The following SCN8A variants were observed in gnomAD, a reference collection of about 807,000 sequenced individuals.
SCN8A encodes the protein sodium channel protein type 8 subunit alpha.
SCN8A carries 30 observed loss-of-function variants against 184.1 expected under a neutral mutation model. That is an observed-to-expected ratio of 0.16 (90% CI 0.12 to 0.22). The LOEUF (loss-of-function observed/expected upper bound fraction) is 0.22. Ranked by LOEUF, SCN8A falls within the 10% of genes least tolerant of loss-of-function variation. The pLI is 1.00. For missense variants in SCN8A, 1,057 were observed against 2,498.9 expected, an observed-to-expected ratio of 0.42 and a Z score of 12.30; for synonymous variants, 852 against 907.0, an observed-to-expected ratio of 0.94 and a Z score of 1.09.
chr12:51,773,310 A>G (rs1942958230), intron 19 of SCN8A, among the ~76,000 whole-genome samples: 1 of 152,178 alleles, frequency 6.6e-6, no homozygotes, highest in African/African-American at 2.4e-5. Context: ...TCTTGGCACC[A>G]TACCTGTATA....
intron 1 of SCN8A, among the ~76,000 whole-genome samples, chr12:51,591,642 A>G (rs140960836): frequency 1.4e-3 from 217 of 152,242 alleles, no homozygotes; most frequent in African/African-American, 4.7e-3. Flanking sequence ...CGTCTCGGCT[A>G]CAGTGAGGGA....
At chr12:51,804,084 C>T (rs1938625217) in intron 26 of SCN8A, among the ~76,000 whole-genome samples, 2 of 152,236 alleles carry the variant, frequency 1.3e-5, no homozygotes, top group Admixed American at 1.3e-4. Flanking sequence ...GAGAACATGT[C>T]AGTGCCTTCC....
chr12:51,644,174 G>C (rs187694173), intron 1 of SCN8A, among the ~76,000 whole-genome samples: 4 of 152,302 alleles, frequency 2.6e-5, no homozygotes, highest in Admixed American at 2.0e-4. Context: ...CATTAGTTAA[G>C]TGTTATGATC....
At chr12:51,795,869 ACT>A (rs1938390816) in intron 26 of SCN8A, among the ~76,000 whole-genome samples, 1 of 143,456 alleles carries the variant, frequency 7.0e-6, no homozygotes, top group African/African-American at 2.7e-5. Flanking sequence ...ACATGATAAA[ACT>A]CTATCTCTGA....
At chr12:51,771,024 G>A (rs190998673) in intron 19 of SCN8A, among the ~76,000 whole-genome samples, 1 of 152,278 alleles carries the variant, frequency 6.6e-6, no homozygotes, top group Non-Finnish European at 1.5e-5. Flanking sequence ...GGAGGGAGGT[G>A]TTATTCCTCC....
intron 1 of SCN8A, among the ~76,000 whole-genome samples, chr12:51,645,204 G>A (rs900116086): frequency 1.4e-5 from 2 of 146,036 alleles, no homozygotes; most frequent in South Asian, 2.2e-4. Context: ...GGAGGGAGGT[G>A]GGGGGGTCAG....
intron 26 of SCN8A, among the ~76,000 whole-genome samples, chr12:51,794,843 C>T (rs1167583108): frequency 6.7e-6 from 1 of 149,908 alleles, no homozygotes; most frequent in Non-Finnish European, 1.5e-5. Context: ...TGAGTGTTCT[C>T]GGTAGTCTTG....
chr12:51,733,262 G>A (rs543416889), intron 12 of SCN8A, among the ~76,000 whole-genome samples: 63 of 152,062 alleles, frequency 4.1e-4, no homozygotes, highest in Admixed American at 6.6e-4. Flanking sequence ...TTTTAACCAC[G>A]AAGGGTGTTG....
intron 12 of SCN8A, among the ~76,000 whole-genome samples, chr12:51,727,979 A>C (rs1285215533): frequency 6.6e-6 from 1 of 152,076 alleles, no homozygotes; most frequent in Non-Finnish European, 1.5e-5. Flanking sequence ...ATAGCCAAGA[A>C]CCTAGCCTTG....
At chr12:51,735,049 T>TA (rs1210432003) in intron 12 of SCN8A, among the ~76,000 whole-genome samples, 1 of 152,236 alleles carries the variant, frequency 6.6e-6, no homozygotes, top group Non-Finnish European at 1.5e-5. Flanking sequence ...TATTTTTTCC[T>TA]AAATTTTGAT....
intron 19 of SCN8A, among the ~76,000 whole-genome samples, chr12:51,772,395 CAAAA>C (rs67083627): frequency 2.1e-5 from 3 of 141,658 alleles, no homozygotes; most frequent in Admixed American, 7.0e-5. Context: ...AACTCCATCT[CAAAA>C]AAAAAAAAAA....
chr12:51,741,068 G>A (rs1228483442), intron 12 of SCN8A, among the ~76,000 whole-genome samples: 1 of 152,184 alleles, frequency 6.6e-6, no homozygotes, highest in Non-Finnish European at 1.5e-5. Context: ...TTATGGGCAT[G>A]AGCTATTGTG....
At chr12:51,591,611 C>T (rs192888181) in intron 1 of SCN8A, among the ~76,000 whole-genome samples, 3 of 152,200 alleles carry the variant, frequency 2.0e-5, no homozygotes, top group African/African-American at 7.2e-5. Flanking sequence ...CCAGTCCCCA[C>T]CCCGGACACC....
chr12:51,779,177 G>C (rs941316280), intron 20 of SCN8A, among the ~76,000 whole-genome samples: 4 of 144,288 alleles, frequency 2.8e-5, no homozygotes, highest in African/African-American at 1.0e-4. Context: ...CCAAGATTGT[G>C]CCATTGCACT....
chr12:51,772,135 G>A (rs1482735673), intron 19 of SCN8A, among the ~76,000 whole-genome samples: 2 of 152,272 alleles, frequency 1.3e-5, no homozygotes, highest in East Asian at 1.9e-4. Context: ...AGTGGCTCAC[G>A]CCTTAATCCC....
chr12:51,620,826 TA>T (rs1175853460), intron 1 of SCN8A, among the ~76,000 whole-genome samples: 382 of 143,704 alleles, frequency 2.7e-3, no homozygotes, highest in Middle Eastern at 7.1e-3. Context: ...CATCTCTATT[TA>T]AAAAAAAAAA....
intron 2 of SCN8A, among the ~76,000 whole-genome samples, chr12:51,680,556 A>G (rs1049554329): frequency 6.6e-6 from 1 of 152,174 alleles, no homozygotes; most frequent in Non-Finnish European, 1.5e-5. Flanking sequence ...TCATGAACCA[A>G]TCAACAGACA....
chr12:51,760,260 T>A (rs1942742568), intron 14 of SCN8A, among the ~76,000 whole-genome samples: 1 of 152,222 alleles, frequency 6.6e-6, no homozygotes, highest in South Asian at 2.1e-4. Context: ...AAATCTGCTC[T>A]TCTCAATTTT....
chr12:51,613,416 T>C (rs1188046307), intron 1 of SCN8A, among the ~76,000 whole-genome samples: 4 of 152,158 alleles, frequency 2.6e-5, no homozygotes, highest in African/African-American at 9.6e-5. Flanking sequence ...AGTATTTCCT[T>C]ATTCTTTTAA....
Sources: allele counts gnomAD v4.1 joint callset (sites outside exome capture counted in the v4.1 genomes callset), GRCh38; gene constraint gnomAD v4.1.1; transcripts MANE v1.5; gene names NCBI Gene and HGNC (gene_info 2026-07-23, HGNC 2026-07-21).